Variants in EYA1 observed in about 807,000 individuals in gnomAD.
EYA1 encodes protein phosphatase EYA1.
Under a neutral mutation model 82.0 loss-of-function variants are expected in EYA1, and 16 were observed. The ratio of observed to expected loss-of-function variants is 0.20; its 90% confidence interval spans 0.13 to 0.30. The LOEUF is 0.30. EYA1 is among the 10% of genes least tolerant of loss of function. The probability of loss-of-function intolerance (pLI) is 1.00; values close to 1 mark genes in which losing one functional copy is unlikely to be tolerated. For synonymous variants in EYA1, 261 were observed against 264.4 expected (o/e 0.99, Z 0.12); for missense variants, 633 against 730.7 (o/e 0.87, Z 1.54).
intron 12 of EYA1, among the ~76,000 whole-genome samples, chr8:71,225,665 T>C (rs990530028): frequency 3.9e-5 from 6 of 152,092 alleles, no homozygotes; most frequent in Admixed American, 3.9e-4. Flanking sequence ...TATCTATATG[T>C]GTTATGGTAG....
At chr8:71,356,867 A>T (rs983790635) in intron 1 of EYA1, 3 of 261,238 alleles carry the variant, frequency 1.1e-5, no homozygotes, top group Non-Finnish European at 1.8e-5. Context: ...AAAATAGCGA[A>T]TGACAAAATG....
intron 12 of EYA1, among the ~76,000 whole-genome samples, chr8:71,239,795 A>G (rs1812261886): frequency 6.6e-6 from 1 of 152,230 alleles, no homozygotes; most frequent in South Asian, 2.1e-4. Context: ...AAAGCTGAAC[A>G]TAGAGCATCA....
chr8:71,536,865 C>A (rs757810581), intron 1 of EYA1, among the ~76,000 whole-genome samples: 1 of 152,164 alleles, frequency 6.6e-6, no homozygotes, highest in Admixed American at 6.5e-5. Context: ...TCTGACTCTG[C>A]CACTAAACAG....
chr8:71,485,921 T>C (rs7824901), intron 2 of EYA1, among the ~76,000 whole-genome samples: 104,352 of 152,088 alleles, frequency 0.69, 37,739 homozygotes, highest in African/African-American at 0.9. Context: ...TGTCCTTTAA[T>C]GAGAGAAGAG....
chr8:71,509,647 CG>C (rs1180730122), intron 2 of EYA1, among the ~76,000 whole-genome samples: 1 of 152,082 alleles, frequency 6.6e-6, no homozygotes, highest in African/African-American at 2.4e-5. Flanking sequence ...AACCATTTCT[CG>C]GCCAATGTAA....
At chr8:71,505,219 G>A (rs1453862130) in intron 2 of EYA1, among the ~76,000 whole-genome samples, 7 of 152,118 alleles carry the variant, frequency 4.6e-5, no homozygotes, top group African/African-American at 1.7e-4. Context: ...GAAGATGAAT[G>A]CAGTGGTTCT....
chr8:71,469,837 T>C (rs986390226), intron 2 of EYA1, among the ~76,000 whole-genome samples: 2 of 152,070 alleles, frequency 1.3e-5, no homozygotes, highest in Non-Finnish European at 2.9e-5. Flanking sequence ...AATCAGATTC[T>C]TTCTCTTGAT....
intron 2 of EYA1, among the ~76,000 whole-genome samples, chr8:71,500,801 T>C (rs1268134701): frequency 6.6e-6 from 1 of 152,144 alleles, no homozygotes; most frequent in Non-Finnish European, 1.5e-5. Context: ...GGACAACTTA[T>C]TATGACTTTA....
At chr8:71,465,700 A>G (rs74898771) in intron 2 of EYA1, among the ~76,000 whole-genome samples, 2,798 of 152,288 alleles carry the variant, frequency 0.018, 55 homozygotes, top group African/African-American at 0.062. Context: ...TCTTTAAAAT[A>G]CATAAATTTA....
chr8:71,424,637 T>C (rs1413771700), intron 2 of EYA1, among the ~76,000 whole-genome samples: 4 of 152,220 alleles, frequency 2.6e-5, no homozygotes, highest in African/African-American at 9.6e-5. Flanking sequence ...TCACCTTATC[T>C]GCCCAGCTGG....
chr8:71,370,830 G>A (rs1828037566), intron 2 of EYA1, among the ~76,000 whole-genome samples: 1 of 151,390 alleles, frequency 6.6e-6, no homozygotes, highest in Non-Finnish European at 1.5e-5. Flanking sequence ...TCACTCTGTT[G>A]CCCAGGCAAG....
chr8:71,356,078 G>C (rs760991988), intron 2 of EYA1, among the ~76,000 whole-genome samples: 2 of 152,116 alleles, frequency 1.3e-5, no homozygotes, highest in Admixed American at 1.3e-4. Flanking sequence ...TTTAGAGGTC[G>C]CACTTACATT....
chr8:71,218,618 T>A (rs1263822775), intron 12 of EYA1, among the ~76,000 whole-genome samples: 9 of 152,232 alleles, frequency 5.9e-5, no homozygotes, highest in African/African-American at 2.2e-4. Flanking sequence ...ACATGCTGAC[T>A]GTGAATTTAA....
In EYA1 at chr8:71,294,707, G is replaced by T. The variant is rs556849551; in HGVS notation, c.826+4340C>A. On this transcript the variant is annotated intron_variant, in intron 9 of 17. Transcript: ENST00000340726. ...CAACGTGATTCCAGCCAAAATCCCA[G>T]AAATTTACTTTGTGGATACTGACAA... is the stretch of plus-strand genomic sequence containing the variant. Among the ~76,000 whole-genome samples, 11 of 152,260 alleles carry T rather than the reference G, an allele frequency of 7.2e-5. No homozygotes were observed. The South Asian group carries it at 1.7e-3, about 23-fold the overall frequency.
chr8:71,500,391 G>C (rs984805822), intron 2 of EYA1, among the ~76,000 whole-genome samples: 1 of 152,134 alleles, frequency 6.6e-6, no homozygotes. Context: ...ACAACTTCTT[G>C]AGTCTTGATT....
intron 1 of EYA1, among the ~76,000 whole-genome samples, chr8:71,542,340 T>C (rs1186475070): frequency 1.3e-5 from 2 of 152,206 alleles, no homozygotes; most frequent in East Asian, 1.9e-4. Flanking sequence ...GTTTCTGCCT[T>C]AGTTTGCTAA....
intron 12 of EYA1, among the ~76,000 whole-genome samples, chr8:71,225,975 G>C (rs565803593): frequency 2.1e-4 from 32 of 152,212 alleles, no homozygotes; most frequent in African/African-American, 6.5e-4. Flanking sequence ...ACAAAGGTAA[G>C]GTATTAGCTA....
chr8:71,429,644 A>G (rs1218947089), intron 2 of EYA1, among the ~76,000 whole-genome samples: 1 of 152,114 alleles, frequency 6.6e-6, no homozygotes, highest in African/African-American at 2.4e-5. Flanking sequence ...TGCTCAATAA[A>G]TATTAGGTCC....
intron 2 of EYA1, among the ~76,000 whole-genome samples, chr8:71,465,211 A>T (rs1240492228): frequency 6.6e-6 from 1 of 152,248 alleles, no homozygotes; most frequent in East Asian, 1.9e-4. Context: ...GCCTCTATAC[A>T]ATTAAATTTA....
Sources: allele counts gnomAD v4.1 joint callset (sites outside exome capture counted in the v4.1 genomes callset), GRCh38; gene constraint gnomAD v4.1.1; transcripts MANE v1.5; gene names NCBI Gene and HGNC (gene_info 2026-07-23, HGNC 2026-07-21).